Variants in GJB2 observed in about 807,000 individuals in gnomAD.
GJB2 encodes gap junction beta-2 protein.
Under a neutral mutation model 16.0 loss-of-function variants are expected in GJB2, and 30 were observed. The ratio of observed to expected loss-of-function variants is 1.88; its 90% confidence interval spans 1.41 to 2.55. The LOEUF is 2.55. Among genes scored for constraint, GJB2 ranks in the 30% most tolerant of loss-of-function variants. The probability of loss-of-function intolerance (pLI) is 0.00; values close to 1 mark genes in which losing one functional copy is unlikely to be tolerated. For synonymous variants in GJB2, 123 were observed against 119.1 expected (o/e 1.03, Z -0.21); for missense variants, 284 against 289.7 (o/e 0.98, Z 0.14).
At chr13:20,191,219 C>T (rs1959074561) in intron 1 of GJB2, among the ~76,000 whole-genome samples, 1 of 152,130 alleles carries the variant, frequency 6.6e-6, no homozygotes, top group East Asian at 1.9e-4. Flanking sequence ...AGCAACATTC[C>T]GATTTTAACA....
chr13:20,187,777 T>A lies in GJB2; in HGVS notation c.*1124A>T, dbSNP rs1265663498. 1 of 152,216 alleles carries A rather than the reference T, an allele frequency of 6.6e-6. No homozygotes were observed. 9.4% of individuals were successfully genotyped at this position (152,216 alleles called of 1,614,324 possible). On this transcript the variant is annotated 3_prime_UTR_variant, in exon 2 of 2. Coordinates refer to ENST00000382848, the MANE Select transcript of GJB2 (RefSeq NM_004004.6). Reference sequence around the variant, plus strand: ...TATTTTCACTTAAAAAATTGGAGGCTGAAGGGGTAAGCAAACAAACTTTTG... The same window carrying A: ...TATTTTCACTTAAAAAATTGGAGGCAGAAGGGGTAAGCAAACAAACTTTTG...
chr13:20,189,686 A>T, intron 1 of GJB2, 83 bp from the exon 2 acceptor site: 1 of 1,062,538 alleles, frequency 9.4e-7, no homozygotes, highest in Non-Finnish European at 1.5e-6. Flanking sequence ...GTAAGCAAGC[A>T]TGCTTAAATC....
chr13:20,188,163 T>C lies in GJB2; in HGVS notation c.*738A>G, dbSNP rs1345071717. The C allele has an allele frequency of 6.6e-6, 1 of 152,244 alleles. No homozygotes were observed. Among genetic ancestry groups the C allele is most frequent in the African/African-American group, 2.4e-5 (1 of 41,464 alleles). 9.4% of individuals were successfully genotyped at this position (152,244 alleles called of 1,614,324 possible). ...TCTCACTCGATTGAGGCTACAATGT[T>C]GTTAGGTGCTATGACCACAATGAAT... is the stretch of plus-strand genomic sequence containing the variant. On this transcript the variant is annotated 3_prime_UTR_variant, in exon 2 of 2. Coordinates refer to ENST00000382848, the MANE Select transcript of GJB2 (RefSeq NM_004004.6).
rs766340495 is a variant in GJB2, at chr13:20,189,428, CAA to C, written c.152_153del (p.Phe51CysfsTer50). On this transcript the variant is annotated frameshift_variant, in exon 2 of 2. Transcript: ENST00000382848. LOFTEE classifies it high-confidence loss of function. ...KEVWGDEQAD[F>X]VCNTLQPGCK... ...CAGCCTGGCTGCAGGGTGTTGCAGA[CAA>C]AGTCGGCCTGCTCATCTCCCCACAC... is the stretch of plus-strand genomic sequence containing the variant. The C allele has an allele frequency of 6.2e-7, 1 of 1,612,228 alleles. No homozygotes were observed. The highest frequency in any genetic ancestry group is 1.1e-5 in the South Asian group (1 of 91,046).
rs28931595 is a variant in GJB2, at chr13:20,189,047, C to A, written c.535G>T (p.Asp179Tyr). Residue 179 changes from aspartate to tyrosine, a missense_variant, in exon 2 of 2, where the codon GAC becomes TAC. Asp to Tyr is a radical substitution (Grantham distance 160). Transcript: ENST00000382848. ...CNAWPCPNTV[D>Y]CFVSRPTEKT... ...TCCGTGGGCCGGGACACAAAGCAGT[C>A]CACAGTGTTGGGACAAGGCCAGGCG... 6.2e-7 allele frequency: 1 copy of A among 1,614,108 alleles called. No individual in the cohort carries two copies. The highest frequency in any genetic ancestry group is 8.5e-7 in the Non-Finnish European group (1 of 1,180,026).
Position 20,189,051 on chromosome 13 carries a change from A to T in GJB2, c.531T>A (p.Thr177=). Residue 177 remains threonine, a synonymous_variant, in exon 2 of 2, where the codon ACT becomes ACA. Coordinates refer to ENST00000382848, the MANE Select transcript of GJB2 (RefSeq NM_004004.6). The part of the protein sequence containing the change: ...VKCNAWPCPN[T]VDCFVSRPTE... ...TGGGCCGGGACACAAAGCAGTCCAC[A>T]GTGTTGGGACAAGGCCAGGCGTTGC... 1 of 1,614,130 alleles carries T rather than the reference A, an allele frequency of 6.2e-7. No individual in the cohort carries two copies. The highest frequency in any genetic ancestry group is 1.1e-5 in the South Asian group (1 of 91,088).
chr13:20,192,225 T>C (rs1024436964), intron 1 of GJB2, among the ~76,000 whole-genome samples: 3 of 152,154 alleles, frequency 2.0e-5, no homozygotes, highest in African/African-American at 7.2e-5. Context: ...CACTGAAATC[T>C]TGGCCCCGGG....
chr13:20,188,992 G>A lies in GJB2; in HGVS notation c.590C>T (p.Ala197Val), dbSNP rs1959055763. ...EKTVFTVFMI[A>V]VSGICILLNV... ...CAGCAGGATGCAAATTCCAGACACTGCAATCATGAACACTGTGAAGACAGT... is the reference window on the plus strand; with the variant it reads ...CAGCAGGATGCAAATTCCAGACACTACAATCATGAACACTGTGAAGACAGT... The change falls in exon 2 of 2, where the codon GCA (alanine) becomes GTA (valine). Residue 197 changes from alanine (A) to valine (V), a missense_variant. Ala to Val is a moderately conservative substitution (Grantham distance 64). Transcript: ENST00000382848. 2 of 1,613,808 alleles carry A rather than the reference G, an allele frequency of 1.2e-6. No homozygotes were observed. The highest frequency in any genetic ancestry group is 2.2e-5 in the East Asian group (1 of 44,886).
In GJB2 at chr13:20,189,207, C is replaced by T. The variant is rs1959058452; in HGVS notation, c.375G>A (p.Lys125=). ...FKDIEEIKTQ[K]VRIEGSLWWT... is the part of the protein sequence containing the mutation. ...ACCACAGGGAGCCTTCGATGCGGAC[C>T]TTCTGGGTTTTGATCTCCTCGATGT... The change falls in exon 2 of 2, where the codon AAG becomes AAA. Residue 125 remains lysine, a synonymous_variant. Transcript: ENST00000382848. The T allele has an allele frequency of 1.2e-6, 2 of 1,613,860 alleles. No individual in the cohort carries two copies. The highest frequency in any genetic ancestry group is 1.1e-5 in the South Asian group (1 of 91,082).
rs1275839322 is a variant in GJB2 at position 20,187,944 on chromosome 13, G to A, written c.*957C>T. The A allele has an allele frequency of 2.0e-5, 3 of 152,200 alleles. No homozygotes were observed. The highest frequency in any genetic ancestry group is 3.9e-4 in the East Asian group (2 of 5,182). The allele number at this position is 152,200 out of a possible 1,614,324, so 9.4% of individuals were successfully genotyped here. On this transcript the variant is annotated 3_prime_UTR_variant, in exon 2 of 2. Coordinates refer to ENST00000382848, the MANE Select transcript of GJB2 (RefSeq NM_004004.6). ...TACTGTGTCAATAAAATTCCCAAGC[G>A]ACCTCTTTAAATCAGCGTTCTTTCC...
intron 1 of GJB2, among the ~76,000 whole-genome samples, chr13:20,192,555 C>G (rs1041249093): frequency 6.6e-6 from 1 of 151,964 alleles, no homozygotes; most frequent in African/African-American, 2.4e-5. Context: ...CACTCGCACC[C>G]CGGGCGGTGC....
chr13:20,189,524 TGCTGGTG>T lies in GJB2; in HGVS notation c.51_57del (p.Thr18LeufsTer15). 1 of 1,614,092 alleles carries T rather than the reference TGCTGGTG, an allele frequency of 6.2e-7. No individual in the cohort carries two copies. The highest frequency in any genetic ancestry group is 1.1e-5 in the South Asian group (1 of 91,080). ...AGGACGGTGAGCCAGATCTTTCCAA[TGCTGGTG>T]GAGTGTTTGTTCACACCCCCCAGGA... is the stretch of plus-strand genomic sequence containing the variant. On this transcript the variant is annotated frameshift_variant, in exon 2 of 2. Coordinates refer to ENST00000382848, the MANE Select transcript of GJB2 (RefSeq NM_004004.6). LOFTEE classifies it high-confidence loss of function.
chr13:20,188,684 G>T lies in GJB2; in HGVS notation c.*217C>A. ...CTTAAGTGAAAGAAAATTAAGACAG[G>T]CATAGAATTAGGCCTTTGTTTTGAG... On this transcript the variant is annotated 3_prime_UTR_variant, in exon 2 of 2. Transcript: ENST00000382848. The T allele has an allele frequency of 3.4e-6, 2 of 592,432 alleles. No individual in the cohort carries two copies. Among genetic ancestry groups the T allele is most frequent in the Non-Finnish European group, 6.0e-6 (2 of 334,170 alleles). The allele number at this position is 592,432 out of a possible 1,614,324, so 36.7% of individuals were successfully genotyped here.
At chr13:20,192,189 G>T (rs1326147249) in intron 1 of GJB2, among the ~76,000 whole-genome samples, 1 of 152,152 alleles carries the variant, frequency 6.6e-6, no homozygotes, top group Non-Finnish European at 1.5e-5. Context: ...ACAGACCCTC[G>T]TGAAGTGTTT....
chr13:20,191,644 C>T (rs754798038), intron 1 of GJB2, among the ~76,000 whole-genome samples: 5 of 152,160 alleles, frequency 3.3e-5, no homozygotes, highest in Non-Finnish European at 7.4e-5. Flanking sequence ...CCCTCCTGGC[C>T]TCCCGACCCT....
rs7994748 is a variant in GJB2, at chr13:20,191,991, G to A, written c.-23+792C>T. 0.62 allele frequency among the ~76,000 whole-genome samples: 93,872 copies of A among 152,110 alleles called. 34,559 individuals carry two copies. The highest frequency in any genetic ancestry group is 0.86 in the South Asian group (4,152 of 4,822). ...TTCTCAAGGCAGTCCCAGGTGCATG[G>A]CCACGGAACCCAGCTCTCAGCAGCT... On this transcript the variant is annotated intron_variant, in intron 1 of 1. Transcript: ENST00000382848.
Position 20,189,494 on chromosome 13 carries a change from T to C in GJB2, c.88A>G (p.Ile30Val), listed in dbSNP as rs374625633. 48 of 1,613,868 alleles carry C rather than the reference T, an allele frequency of 3.0e-5. No individual in the cohort carries two copies. The highest frequency in any genetic ancestry group is 1.1e-4 in the East Asian group (5 of 44,886). The change falls in exon 2 of 2, where the codon ATT becomes GTT. Residue 30 changes from isoleucine to valine, a missense_variant. Transcript: ENST00000382848. ...IGKIWLTVLF[I>V]FRIMILVVAA... ...ACAACGAGGATCATAATGCGAAAAA[T>C]GAAGAGGACGGTGAGCCAGATCTTT...
intron 1 of GJB2, among the ~76,000 whole-genome samples, chr13:20,190,059 G>C (rs1959067822): frequency 1.3e-5 from 2 of 152,200 alleles, no homozygotes; most frequent in Non-Finnish European, 2.9e-5. Flanking sequence ...GTACCACTGG[G>C]GCCGATACTA....
rs866127155 is a variant in GJB2 at position 20,189,460 on chromosome 13, T to C, written c.122A>G (p.Lys41Arg). 1.9e-6 allele frequency: 3 copies of C among 1,613,396 alleles called. No homozygotes were observed. Among genetic ancestry groups the C allele is most frequent in the Non-Finnish European group, 2.5e-6 (3 of 1,179,464 alleles). The change falls in exon 2 of 2, where the codon AAG (lysine) becomes AGG (arginine). Residue 41 changes from lysine to arginine, a missense_variant. Lys to Arg is a conservative substitution (Grantham distance 26). Transcript: ENST00000382848. ...GGCCTGCTCATCTCCCCACACCTCC[T>C]TTGCAGCCACAACGAGGATCATAAT... is the stretch of plus-strand genomic sequence containing the variant. The part of the protein sequence containing the change: ...FRIMILVVAA[K>R]EVWGDEQADF...
Sources: allele counts gnomAD v4.1 joint callset (sites outside exome capture counted in the v4.1 genomes callset), GRCh38; gene constraint gnomAD v4.1.1; transcripts MANE v1.5; gene names NCBI Gene and HGNC (gene_info 2026-07-23, HGNC 2026-07-21).